HSD17B12: variants seen among roughly 807,000 people sequenced by gnomAD.
The protein encoded by HSD17B12 is very-long-chain 3-oxoacyl-CoA reductase.
Under a neutral mutation model 39.3 loss-of-function variants are expected in HSD17B12, and 32 were observed. That is an observed-to-expected ratio of 0.81 (90% CI 0.61 to 1.09). HSD17B12 has a LOEUF of 1.09. Ranked by LOEUF, HSD17B12 falls within the 50% of genes least tolerant of loss-of-function variation. The pLI is 0.00. For missense variants in HSD17B12, 342 were observed against 382.9 expected (o/e 0.89, Z 0.89); for synonymous variants, 150 against 146.7 (o/e 1.02, Z -0.16).
At chr11:43,767,224 T>TTTGG (rs1950603941) in intron 3 of HSD17B12, among the ~76,000 whole-genome samples, 1 of 152,202 alleles carries the variant, frequency 6.6e-6, no homozygotes, top group African/African-American at 2.4e-5. Context: ...AAACACTTTT[T>TTTGG]TTGGTTGGGA....
At chr11:43,564,044 G>T in the HSD17B12 span, among the ~76,000 whole-genome samples, 1 of 151,728 alleles carries the variant, frequency 6.6e-6, no homozygotes, top group Non-Finnish European at 1.5e-5. Flanking sequence ...TTTATTTTTT[G>T]CTATGTTGTC....
At chr11:43,577,753 AG>A in the HSD17B12 span, among the ~76,000 whole-genome samples, 9 of 152,224 alleles carry the variant, frequency 5.9e-5, no homozygotes, top group Non-Finnish European at 1.2e-4. Context: ...TAGAAGCCAA[AG>A]CACAGGAGTT....
At chr11:43,665,523 C>T in the HSD17B12 span, among the ~76,000 whole-genome samples, 2 of 152,028 alleles carry the variant, frequency 1.3e-5, no homozygotes, top group Non-Finnish European at 2.9e-5. Context: ...CTGGTGATAA[C>T]TACTATTGAT....
intron 1 of HSD17B12, among the ~76,000 whole-genome samples, chr11:43,727,855 G>A (rs1950234851): frequency 6.6e-6 from 1 of 152,152 alleles, no homozygotes; most frequent in African/African-American, 2.4e-5. Context: ...AACTATGGCA[G>A]TAATGTATAG....
the HSD17B12 span, among the ~76,000 whole-genome samples, chr11:43,599,427 G>GT: frequency 6.6e-6 from 1 of 152,092 alleles, no homozygotes; most frequent in South Asian, 2.1e-4. Flanking sequence ...TTCTTTTTTA[G>GT]TTTTTATTTT....
the HSD17B12 span, among the ~76,000 whole-genome samples, chr11:43,588,115 G>C: frequency 6.6e-6 from 1 of 152,216 alleles, no homozygotes; most frequent in East Asian, 1.9e-4. Flanking sequence ...AGCATCTTCA[G>C]AATTCTTACT....
chr11:43,653,405 CTTATTA>C, the HSD17B12 span, among the ~76,000 whole-genome samples: 20 of 151,756 alleles, frequency 1.3e-4, no homozygotes, highest in Non-Finnish European at 2.8e-4. Context: ...TTCTTTTTTT[CTTATTA>C]TTATTATACT....
chr11:43,623,241 A>G, the HSD17B12 span, among the ~76,000 whole-genome samples: 1 of 152,176 alleles, frequency 6.6e-6, no homozygotes, highest in African/African-American at 2.4e-5. Flanking sequence ...GGATTCCATG[A>G]AAGTCTTCCT....
intron 1 of HSD17B12, among the ~76,000 whole-genome samples, chr11:43,691,232 C>G (rs912622136): frequency 1.3e-5 from 2 of 152,204 alleles, no homozygotes. Context: ...CATGTCAAGA[C>G]ACTGTCCAGG....
the HSD17B12 span, among the ~76,000 whole-genome samples, chr11:43,662,813 G>A: frequency 2.3e-4 from 35 of 152,258 alleles, no homozygotes; most frequent in African/African-American, 7.9e-4. Context: ...TGGGGGTAGG[G>A]AAAGCAAAGA....
chr11:43,645,455 G>A, the HSD17B12 span: 1 of 152,162 alleles, frequency 6.6e-6, no homozygotes, highest in Non-Finnish European at 1.5e-5. Flanking sequence ...TGGGAGATTT[G>A]AAATAAGGTA....
intron 4 of HSD17B12, among the ~76,000 whole-genome samples, chr11:43,803,034 A>T (rs1306840237): frequency 6.6e-6 from 1 of 152,214 alleles, no homozygotes; most frequent in Non-Finnish European, 1.5e-5. Context: ...CTCCTTAATC[A>T]TAAGATTTAT....
At chr11:43,690,404 A>ATATATTTTTTTT (rs1554959942) in intron 1 of HSD17B12, among the ~76,000 whole-genome samples, 2 of 24,960 alleles carry the variant, frequency 8.0e-5, no homozygotes, top group East Asian at 1.0e-3. Context: ...ATATATATAT[A>ATATATTTTTTTT]TTTTTTTTTT....
chr11:43,783,159 A>T (rs1950782537), intron 3 of HSD17B12, among the ~76,000 whole-genome samples: 1 of 152,218 alleles, frequency 6.6e-6, no homozygotes, highest in Non-Finnish European at 1.5e-5. Context: ...GGTGATTCTG[A>T]CTTGGATCCT....
chr11:43,572,138 G>A, the HSD17B12 span, among the ~76,000 whole-genome samples: 2 of 152,124 alleles, frequency 1.3e-5, no homozygotes, highest in Admixed American at 6.5e-5. Context: ...GGGCATCCTC[G>A]GTGTGAGTGG....
chr11:43,775,451 T>A (rs1379647999), intron 3 of HSD17B12, among the ~76,000 whole-genome samples: 1 of 151,878 alleles, frequency 6.6e-6, no homozygotes, highest in African/African-American at 2.4e-5. Context: ...TGGCTCCTGA[T>A]CCAGAGAACT....
intron 9 of HSD17B12, among the ~76,000 whole-genome samples, chr11:43,845,190 C>T (rs1486067912): frequency 6.6e-6 from 1 of 152,184 alleles, no homozygotes; most frequent in Non-Finnish European, 1.5e-5. Context: ...CACTTTGTCA[C>T]CTAGGCTGGT....
At chr11:43,648,031 A>C in the HSD17B12 span, among the ~76,000 whole-genome samples, 1 of 152,208 alleles carries the variant, frequency 6.6e-6, no homozygotes, top group Admixed American at 6.5e-5. Flanking sequence ...AAAGATATTC[A>C]TTTCCATTAG....
chr11:43,777,643 G>A (rs1950720255), intron 3 of HSD17B12, among the ~76,000 whole-genome samples: 2 of 152,152 alleles, frequency 1.3e-5, no homozygotes, highest in African/African-American at 4.8e-5. Flanking sequence ...CCAACACTAT[G>A]TTGAATAGGA....
Sources: allele counts gnomAD v4.1 joint callset (sites outside exome capture counted in the v4.1 genomes callset), GRCh38; gene constraint gnomAD v4.1.1; transcripts MANE v1.5; gene names NCBI Gene and HGNC (gene_info 2026-07-23, HGNC 2026-07-21).